PPP2R2B: variants seen among roughly 807,000 people sequenced by gnomAD.
PPP2R2B encodes the protein protein phosphatase 2 regulatory subunit Bbeta, also known as serine/threonine-protein phosphatase 2A 55 kDa regulatory subunit B beta isoform.
PPP2R2B carries 5 observed loss-of-function variants against 46.0 expected under a neutral mutation model. The ratio of observed to expected loss-of-function variants is 0.11; its 90% CI spans 0.06 to 0.23. The LOEUF is 0.23. Among genes scored for constraint, PPP2R2B ranks in the 10% least tolerant of loss-of-function variants. The pLI is 1.00. For synonymous variants in PPP2R2B, 215 were observed against 206.7 expected, an observed-to-expected ratio of 1.04 and a Z score of -0.34; for missense variants, 367 against 575.0, an observed-to-expected ratio of 0.64 and a Z score of 3.70.
At chr5:146,627,327 C>A (rs776500642) in intron 7 of PPP2R2B, among the ~76,000 whole-genome samples, 12 of 152,324 alleles carry the variant, frequency 7.9e-5, no homozygotes, top group Non-Finnish European at 1.8e-4. Context: ...AGATTCATTG[C>A]AGTTGCTGTC....
chr5:146,950,134 G>A (rs1049592150), intron 1 of PPP2R2B, among the ~76,000 whole-genome samples: 5 of 151,960 alleles, frequency 3.3e-5, no homozygotes, highest in Non-Finnish European at 2.9e-5. Context: ...GGTTTGTAAC[G>A]CAAAGAAATG....
intron 5 of PPP2R2B, among the ~76,000 whole-genome samples, chr5:146,675,178 T>G (rs941910980): frequency 6.6e-6 from 1 of 152,060 alleles, no homozygotes; most frequent in African/African-American, 2.4e-5. Flanking sequence ...GCCAGGATGG[T>G]TTCAATCTCC....
chr5:146,978,024 C>G (rs1035620492), intron 1 of PPP2R2B, among the ~76,000 whole-genome samples: 2 of 152,186 alleles, frequency 1.3e-5, no homozygotes, highest in African/African-American at 4.8e-5. Context: ...TCTCCACATT[C>G]TCTCCAGCAT....
intron 5 of PPP2R2B, among the ~76,000 whole-genome samples, chr5:146,654,165 CCT>C (rs1776170428): frequency 6.6e-6 from 1 of 152,132 alleles, no homozygotes. Flanking sequence ...GTTTAGAACC[CCT>C]GACTCCCTGC....
rs949503996 is a variant in PPP2R2B, at chr5:147,081,395, G to T, written c.-167C>A. On this transcript the variant is annotated 5_prime_UTR_variant, in exon 1 of 11. Coordinates refer to the PPP2R2B transcript ENST00000394413. ...AGGACCAGTTTGAACTGGAGCAATTGGAGTTTGTCCCTTCTCAGGCCCTGG... is the reference window on the plus strand; with the variant it reads ...AGGACCAGTTTGAACTGGAGCAATTTGAGTTTGTCCCTTCTCAGGCCCTGG... The T allele has an allele frequency of 2.4e-6, 3 of 1,238,664 alleles. No individual in the cohort carries two copies. In the East Asian group the frequency reaches 7.6e-5, roughly 31 times the overall value. The allele number at this position is 1,238,664 out of a possible 1,614,324, so 76.7% of individuals were successfully genotyped here. A position where few individuals can be genotyped will look rare whatever the true frequency, so the allele number is the denominator to read the frequency against.
intron 2 of PPP2R2B, among the ~76,000 whole-genome samples, chr5:146,733,879 G>A (rs749915373): frequency 2.6e-5 from 4 of 152,208 alleles, no homozygotes; most frequent in African/African-American, 7.2e-5. Context: ...AGCAGCAGCA[G>A]TAGTAGTGGT....
chr5:146,632,775 G>A (rs1365750702), intron 7 of PPP2R2B, among the ~76,000 whole-genome samples: 20 of 152,172 alleles, frequency 1.3e-4, no homozygotes, highest in Admixed American at 1.3e-3. Flanking sequence ...CAGGTAGAGT[G>A]TGTGGGGGGC....
At chr5:147,021,145 A>C (rs1755243456) in intron 1 of PPP2R2B, among the ~76,000 whole-genome samples, 1 of 152,198 alleles carries the variant, frequency 6.6e-6, no homozygotes, top group Admixed American at 6.5e-5. Context: ...AAATGTAGGA[A>C]AGACATCCCT....
At chr5:146,656,194 G>A (rs571419285) in intron 5 of PPP2R2B, among the ~76,000 whole-genome samples, 228 of 152,178 alleles carry the variant, frequency 1.5e-3, no homozygotes, top group African/African-American at 5.2e-3. Flanking sequence ...CGAGAGGTAT[G>A]CTCTTTGAGG....
intron 2 of PPP2R2B, among the ~76,000 whole-genome samples, chr5:147,075,792 T>C (rs1757747470): frequency 6.6e-6 from 1 of 152,150 alleles, no homozygotes; most frequent in Non-Finnish European, 1.5e-5. Context: ...TCTCTTCATC[T>C]GCACCTTCTC....
At chr5:147,010,148 C>T (rs919466818) in intron 1 of PPP2R2B, among the ~76,000 whole-genome samples, 1 of 152,052 alleles carries the variant, frequency 6.6e-6, no homozygotes, top group African/African-American at 2.4e-5. Context: ...TGCATAAAAG[C>T]ACACATACAC....
At chr5:146,982,052 T>C (rs1277826252) in intron 1 of PPP2R2B, among the ~76,000 whole-genome samples, 1 of 152,214 alleles carries the variant, frequency 6.6e-6, no homozygotes, top group African/African-American at 2.4e-5. Context: ...AAAGTAACCA[T>C]ATAAAATACT....
chr5:146,769,747 A>C (rs1054771672), intron 2 of PPP2R2B, among the ~76,000 whole-genome samples: 8 of 152,222 alleles, frequency 5.3e-5, no homozygotes, highest in Admixed American at 2.6e-4. Flanking sequence ...CCCAAATGCT[A>C]TAAATACAAA....
At chr5:146,711,820 A>G (rs939240895) in intron 2 of PPP2R2B, among the ~76,000 whole-genome samples, 1 of 152,188 alleles carries the variant, frequency 6.6e-6, no homozygotes, top group African/African-American at 2.4e-5. Flanking sequence ...ATACAAGTAC[A>G]ATGTTGGGGA....
intron 2 of PPP2R2B, chr5:146,706,668 T>A: frequency 1.2e-6 from 1 of 863,206 alleles, no homozygotes; most frequent in East Asian, 2.6e-5. Flanking sequence ...GCCCTCAGTC[T>A]CAGCCTGGAG....
chr5:146,996,649 C>T (rs1561564764), intron 1 of PPP2R2B, among the ~76,000 whole-genome samples: 1 of 152,130 alleles, frequency 6.6e-6, no homozygotes. Flanking sequence ...ACAAAGAGGG[C>T]CTGGACTTCA....
intron 2 of PPP2R2B, among the ~76,000 whole-genome samples, chr5:146,736,764 G>A (rs1752562932): frequency 6.6e-6 from 1 of 152,148 alleles, no homozygotes; most frequent in Admixed American, 6.5e-5. Context: ...GGGCACAAAA[G>A]CAGGATTGCA....
intron 1 of PPP2R2B, among the ~76,000 whole-genome samples, chr5:147,016,580 T>A (rs1452156711): frequency 2.2e-4 from 2 of 9,210 alleles, no homozygotes; most frequent in African/African-American, 1.9e-3. Context: ...TACAGATACA[T>A]TGTGGAATCA....
At chr5:146,842,774 G>A (rs1272089220) in intron 2 of PPP2R2B, among the ~76,000 whole-genome samples, 1 of 152,096 alleles carries the variant, frequency 6.6e-6, no homozygotes, top group Non-Finnish European at 1.5e-5. Context: ...AGTTTGCTAG[G>A]GATAACGGCC....
Sources: allele counts gnomAD v4.1 joint callset (sites outside exome capture counted in the v4.1 genomes callset), GRCh38; gene constraint gnomAD v4.1.1; transcripts MANE v1.5; gene names NCBI Gene and HGNC (gene_info 2026-07-23, HGNC 2026-07-21).